CDH4: variants seen among roughly 807,000 people sequenced by gnomAD.
The protein encoded by CDH4 is cadherin 4, also known as cadherin-4.
Under a neutral mutation model 86.0 loss-of-function variants are expected in CDH4, and 33 were observed. That is an observed-to-expected ratio of 0.38 (90% CI 0.29 to 0.51). The LOEUF (loss-of-function observed/expected upper bound fraction) is 0.51, where lower values mean the gene tolerates loss of function less well. Among genes scored for constraint, CDH4 ranks in the 20% least tolerant of loss-of-function variants. The pLI is 0.86. For synonymous variants in CDH4, 555 were observed against 549.4 expected (o/e 1.01, Z -0.14); for missense variants, 1,114 against 1,307.4 (o/e 0.85, Z 2.28).
chr20:61,328,365 T>C (rs901505617), intron 2 of CDH4, among the ~76,000 whole-genome samples: 7 of 152,120 alleles, frequency 4.6e-5, no homozygotes, highest in Non-Finnish European at 8.8e-5. Context: ...TTAGTAGAGA[T>C]GGGGTTTCAC....
At chr20:61,718,936 T>C (rs2087997541) in intron 2 of CDH4, 1 of 471,010 alleles carries the variant, frequency 2.1e-6, no homozygotes, top group South Asian at 1.5e-5. Flanking sequence ...TGTTGGTTAG[T>C]GGGTGAAGCA....
At chr20:61,739,804 C>G (rs553817156) in intron 2 of CDH4, among the ~76,000 whole-genome samples, 1 of 152,360 alleles carries the variant, frequency 6.6e-6, no homozygotes, top group African/African-American at 2.4e-5. Context: ...GCGAGGGCAG[C>G]ACAGGACTCC....
At chr20:61,352,606 T>C (rs1410874596) in intron 2 of CDH4, among the ~76,000 whole-genome samples, 1 of 152,226 alleles carries the variant, frequency 6.6e-6, no homozygotes. Flanking sequence ...GTATTTTGTT[T>C]TGATTTCTAT....
intron 4 of CDH4, among the ~76,000 whole-genome samples, chr20:61,813,196 G>A (rs1036428946): frequency 6.6e-6 from 1 of 152,156 alleles, no homozygotes; most frequent in Non-Finnish European, 1.5e-5. Context: ...ATTGTGGTGG[G>A]GTGACCAGTT....
intron 2 of CDH4, among the ~76,000 whole-genome samples, chr20:61,286,840 T>G (rs191983530): frequency 1.3e-5 from 2 of 152,358 alleles, no homozygotes; most frequent in East Asian, 1.9e-4. Context: ...TTTGTTTGTT[T>G]GTTGGTCTCT....
intron 2 of CDH4, among the ~76,000 whole-genome samples, chr20:61,575,312 T>C (rs1237227157): frequency 6.6e-6 from 1 of 151,950 alleles, no homozygotes; most frequent in African/African-American, 2.4e-5. Flanking sequence ...AGGAGAGAGG[T>C]TTTTCCTGGT....
intron 2 of CDH4, among the ~76,000 whole-genome samples, chr20:61,336,311 T>C (rs1568803283): frequency 6.6e-6 from 1 of 152,214 alleles, no homozygotes; most frequent in Non-Finnish European, 1.5e-5. Context: ...AAATATGCAC[T>C]GTGACTAACA....
At chr20:61,266,736 C>T (rs1422429871) in intron 2 of CDH4, among the ~76,000 whole-genome samples, 1 of 151,958 alleles carries the variant, frequency 6.6e-6, no homozygotes, top group East Asian at 1.9e-4. Flanking sequence ...CCAGGAACTC[C>T]CTGCCTGGGG....
intron 2 of CDH4, among the ~76,000 whole-genome samples, chr20:61,522,962 C>T (rs1235751585): frequency 6.6e-6 from 1 of 152,242 alleles, no homozygotes; most frequent in Non-Finnish European, 1.5e-5. Flanking sequence ...TGGCAGTGCC[C>T]TGGCATCAGG....
Position 61,417,873 on chromosome 20 carries a change from A to C in CDH4, c.169+162936A>C, listed in dbSNP as rs370001307. Among the ~76,000 whole-genome samples, 1 of 152,096 alleles carries C rather than the reference A, an allele frequency of 6.6e-6. No individual in the cohort carries two copies. Among genetic ancestry groups the C allele is most frequent in the South Asian group, 2.1e-4 (1 of 4,822 alleles). On this transcript the variant is annotated intron_variant, in intron 2 of 15. Coordinates refer to ENST00000614565, the MANE Select transcript of CDH4 (RefSeq NM_001794.5). The surrounding 1 kb of genome is among the most constrained non-coding windows in gnomAD (Gnocchi z 4.0). ...TGGGCCAAGGGGCCAGGCCAGGAGC[A>C]GCAGGGCCCTTCATGCTCAGAGGCC...
At position 61,725,770 on chromosome 20, in the gene CDH4, C is replaced by T. The variant is rs149459077; in HGVS notation, c.170-17793C>T. On this transcript the variant is annotated intron_variant, in intron 2 of 15. Transcript: ENST00000614565. ...AGGCCAGAGGTGAGGGAGGGGAAGG[C>T]GAGGAAGGGGAGGGCTGGGAGGGGA... Among the ~76,000 whole-genome samples the T allele has an allele frequency of 5.1e-3, 730 of 144,264 alleles. 7 individuals carry two copies. Among genetic ancestry groups the T allele is most frequent in the African/African-American group, 0.017 (670 of 40,154 alleles). 94.6% of individuals were successfully genotyped at this position (144,264 alleles called of 152,430 possible). A position where few individuals can be genotyped will look rare whatever the true frequency, so the allele number is the denominator to read the frequency against.
Position 61,283,478 on chromosome 20 carries a change from G to GGC in CDH4, c.169+28542_169+28543insCG, listed in dbSNP as rs201585133. Among the ~76,000 whole-genome samples, 25 of 54,164 alleles carry GGC rather than the reference G, an allele frequency of 4.6e-4. 5 individuals carry two copies. The South Asian group carries it at 4.6e-3, about 10-fold the overall frequency. The allele number at this position is 54,164 out of a possible 152,430, so 35.5% of individuals were successfully genotyped here. A position where few individuals can be genotyped will look rare whatever the true frequency, so the allele number is the denominator to read the frequency against. On this transcript the variant is annotated intron_variant, in intron 2 of 15. Coordinates refer to ENST00000614565, the MANE Select transcript of CDH4 (RefSeq NM_001794.5). ...GTGTGCGTTTGCACGCGTGTGCTGT[G>GGC]GTGTGTGATGTAGGTGCATTTGCAC... is the stretch of plus-strand genomic sequence containing the variant.
intron 6 of CDH4, among the ~76,000 whole-genome samples, chr20:61,872,279 C>G (rs1352546377): frequency 6.6e-6 from 1 of 152,158 alleles, no homozygotes; most frequent in Non-Finnish European, 1.5e-5. Context: ...AGACACACAG[C>G]TGTTTCAATG....
At chr20:61,354,757 G>A (rs771536544) in intron 2 of CDH4, among the ~76,000 whole-genome samples, 15 of 152,186 alleles carry the variant, frequency 9.9e-5, no homozygotes, top group Non-Finnish European at 1.5e-5. Flanking sequence ...TTGGCTTATC[G>A]TCCCGGGGAT....
intron 2 of CDH4, among the ~76,000 whole-genome samples, chr20:61,730,791 C>T (rs2088170045): frequency 6.6e-6 from 1 of 152,216 alleles, no homozygotes; most frequent in African/African-American, 2.4e-5. Flanking sequence ...ATGAGCCTTC[C>T]AGAAACGCCA....
chr20:61,522,623 C>T (rs1474141850), intron 2 of CDH4, among the ~76,000 whole-genome samples: 1 of 152,224 alleles, frequency 6.6e-6, no homozygotes, highest in East Asian at 1.9e-4. Context: ...ATTTTCCCCC[C>T]AGCCAGGCAA....
intron 2 of CDH4, among the ~76,000 whole-genome samples, chr20:61,542,693 A>G (rs1156564514): frequency 2.0e-5 from 3 of 152,386 alleles, no homozygotes; most frequent in Non-Finnish European, 4.4e-5. Flanking sequence ...CAGAACTCCT[A>G]GAAAGGGTCT....
Position 61,829,910 on chromosome 20 carries a change from C to T in CDH4, c.577-14758C>T, listed in dbSNP as rs986182796. On this transcript the variant is annotated intron_variant, in intron 4 of 15. Transcript: ENST00000614565. This position sits in a 1 kb window ranked among gnomAD's most constrained non-coding sequence, Gnocchi z 4.2. ...GGGTGGGAGGGACGAGGCTCCTGCC[C>T]GGCCGGCCCTGGGGCTGGGAGGCAG... Among the ~76,000 whole-genome samples the T allele has an allele frequency of 2.0e-5, 3 of 152,200 alleles. No individual in the cohort carries two copies. The highest frequency in any genetic ancestry group is 1.5e-5 in the Non-Finnish European group (1 of 67,984).
At chr20:61,344,763 G>A (rs1360144227) in intron 2 of CDH4, among the ~76,000 whole-genome samples, 2 of 152,134 alleles carry the variant, frequency 1.3e-5, no homozygotes, top group African/African-American at 4.8e-5. Context: ...CTTTTTGTGT[G>A]ATGTCTGTAA....
Sources: gnomAD v4.1 joint callset for allele counts (sites outside exome capture counted in the v4.1 genomes callset) on GRCh38, gnomAD v4.1.1 for gene constraint, Gnocchi (gnomAD v3.1) non-coding constraint, MANE v1.5 for transcripts, NCBI Gene and HGNC (gene_info 2026-07-23, HGNC 2026-07-21) for gene names.